XK: variants seen among roughly 807,000 people sequenced by gnomAD.
XK encodes the protein endoplasmic reticulum membrane adapter protein XK.
XK carries 2 observed loss-of-function variants against 14.0 expected under a neutral mutation model. The observed-to-expected ratio is 0.14, with a 90% CI of 0.06 to 0.45. XK has a LOEUF of 0.45. Among genes scored for constraint, XK ranks in the 20% least tolerant of loss-of-function variants. The probability of loss-of-function intolerance (pLI) is 0.98; values close to 1 mark genes in which losing one functional copy is unlikely to be tolerated. For missense variants in XK, 235 were observed against 341.5 expected, an observed-to-expected ratio of 0.69 and a Z score of 2.46; for synonymous variants, 149 against 147.5, an observed-to-expected ratio of 1.01 and a Z score of -0.08.
chrX:37,717,284 A>G (rs1409381656), intron 2 of XK, among the ~76,000 whole-genome samples: 1 of 111,674 alleles, frequency 9.0e-6, no homozygotes, highest in African/African-American at 3.2e-5. Context: ...CTACTGGTTA[A>G]GGCTACGATT....
At chrX:37,712,290 C>G (rs5963985) in intron 2 of XK, among the ~76,000 whole-genome samples, 27,602 of 111,339 alleles carry the variant, frequency 0.25, 3,224 homozygotes, top group African/African-American at 0.47. Context: ...AAAAACCTTA[C>G]TTAATTTTTT....
intron 2 of XK, among the ~76,000 whole-genome samples, chrX:37,698,055 A>G (rs1927335970): frequency 8.9e-6 from 1 of 112,075 alleles, no homozygotes; most frequent in African/African-American, 3.2e-5. Context: ...AAGTCTCCAG[A>G]TCTTGGAGGA....
chrX:37,728,294 G>C lies in XK; in HGVS notation c.1167G>C (p.Gln389His). ...CTTCCAGTGTTTCTGAAGGCTTTCA[G>C]AGGTGGCTCAGGTGTTTTTGCTGGG... ...LFSSSVSEGF[Q>H]RWLRCFCWAC... The change falls in exon 3 of 3, where the codon CAG (glutamine) becomes CAC (histidine). Residue 389 changes from glutamine to histidine, a missense_variant. Transcript: ENST00000378616. 1 of 1,211,440 alleles carries C rather than the reference G, an allele frequency of 8.3e-7. No homozygotes were observed. The highest frequency in any genetic ancestry group is 1.1e-6 in the Non-Finnish European group (1 of 895,451).
In XK at chrX:37,693,476, C is replaced by CGTGTGTGTGTGTGTGTGTGTGT. The variant is rs781954179; in HGVS notation, c.246-805_246-784dup. ...TCACATATTTATCCATCTATCAATT[C>CGTGTGTGTGTGTGTGTGTGTGT]GTGTGTGTGTGTGTGTGTGTGTGTG... is the stretch of plus-strand genomic sequence containing the variant. On this transcript the variant is annotated intron_variant, in intron 1 of 2. Transcript: ENST00000378616. 5.4e-3 allele frequency among the ~76,000 whole-genome samples: 519 copies of CGTGTGTGTGTGTGTGTGTGTGT among 95,941 alleles called. 3 individuals are homozygous for CGTGTGTGTGTGTGTGTGTGTGT. Among genetic ancestry groups the CGTGTGTGTGTGTGTGTGTGTGT allele is most frequent in the Middle Eastern group, 0.011 (2 of 189 alleles). 83.3% of individuals were successfully genotyped at this position (95,941 alleles called of 115,157 possible). A position where few individuals can be genotyped will look rare whatever the true frequency, so the allele number is the denominator to read the frequency against.
chrX:37,685,992 G>T lies in XK; in HGVS notation c.31G>T (p.Val11Leu), dbSNP rs782111503. 11 of 1,207,950 alleles carry T rather than the reference G, an allele frequency of 9.1e-6. No homozygotes were observed. The South Asian group carries it at 1.4e-4, about 16-fold the overall frequency. ...ATTCCCGGCCTCGGTGCTGGCGTCCGTGTTCCTGTTCGTGGCCGAGACAAC... is the reference window on the plus strand; with the variant it reads ...ATTCCCGGCCTCGGTGCTGGCGTCCTTGTTCCTGTTCGTGGCCGAGACAAC... MKFPASVLAS[V>L]FLFVAETTAA... The change falls in exon 1 of 3, where the codon GTG (valine) becomes TTG (leucine). Residue 11 changes from valine to leucine, a missense_variant. Transcript: ENST00000378616.
At chrX:37,720,629 T>C (rs996571275) in intron 2 of XK, among the ~76,000 whole-genome samples, 3 of 110,928 alleles carry the variant, frequency 2.7e-5, no homozygotes, top group Non-Finnish European at 3.8e-5. Flanking sequence ...CCAAATAATG[T>C]ACATTGTACA....
At chrX:37,691,022 A>T (rs1927191319) in intron 1 of XK, among the ~76,000 whole-genome samples, 1 of 112,049 alleles carries the variant, frequency 8.9e-6, no homozygotes, top group Admixed American at 9.4e-5. Context: ...CCTTTTACAA[A>T]TGTATTAAAC....
intron 2 of XK, among the ~76,000 whole-genome samples, chrX:37,702,794 C>T (rs954655317): frequency 2.7e-5 from 3 of 112,657 alleles, no homozygotes; most frequent in African/African-American, 9.7e-5. Flanking sequence ...GTACTCAGAA[C>T]AATCAATCTC....
chrX:37,688,059 C>CTTTTT (rs1222330719), intron 1 of XK, among the ~76,000 whole-genome samples: 2 of 54,662 alleles, frequency 3.7e-5, no homozygotes, highest in East Asian at 4.0e-4. Context: ...TTCTTTCTTT[C>CTTTTT]TTTTTTTTTT....
At position 37,686,071 on chromosome X, in the gene XK, A is replaced by G; in HGVS notation, c.110A>G (p.Gln37Arg). The change falls in exon 1 of 3, where the codon CAG becomes CGG. Residue 37 changes from glutamine (Q) to arginine (R), a missense_variant. Transcript: ENST00000378616. ...CGCTCGGGCGGGGACCGCATGTGGC[A>G]GGCGCTGACGTTGCTTTTCTCGCTA... The part of the protein sequence containing the change: ...TYRSGGDRMW[Q>R]ALTLLFSLLP... The G allele has an allele frequency of 8.3e-7, 1 of 1,211,643 alleles. No individual in the cohort carries two copies. The highest frequency in any genetic ancestry group is 1.1e-6 in the Non-Finnish European group (1 of 895,474).
intron 2 of XK, among the ~76,000 whole-genome samples, chrX:37,695,708 T>C (rs1927294115): frequency 8.9e-6 from 1 of 112,415 alleles, no homozygotes; most frequent in African/African-American, 3.2e-5. Flanking sequence ...TGGCTAGTAA[T>C]AATTCATGTC....
At chrX:37,689,258 TA>T (rs1211274636) in intron 1 of XK, among the ~76,000 whole-genome samples, 1 of 112,199 alleles carries the variant, frequency 8.9e-6, no homozygotes, top group African/African-American at 3.2e-5. Context: ...GCTTCCAGAT[TA>T]AAAGAAAAGC....
chrX:37,711,553 C>G (rs782241917), intron 2 of XK, among the ~76,000 whole-genome samples: 60 of 112,084 alleles, frequency 5.4e-4, no homozygotes, highest in Non-Finnish European at 8.1e-4. Flanking sequence ...TTGTGGATCT[C>G]CAGTGGGAAT....
At chrX:37,725,629 C>T (rs1427201654) in intron 2 of XK, among the ~76,000 whole-genome samples, 3 of 111,486 alleles carry the variant, frequency 2.7e-5, no homozygotes, top group Non-Finnish European at 5.7e-5. Context: ...ACTTATGCCC[C>T]TCCAAAAATC....
intron 2 of XK, 55 bp from the exon 3 acceptor site, chrX:37,727,581 C>G (rs1928002576): frequency 1.9e-6 from 2 of 1,042,412 alleles, no homozygotes; most frequent in African/African-American, 3.7e-5. Context: ...GTGTCTGCTG[C>G]AGTAGGATTC....
At chrX:37,712,126 C>T (rs1927678233) in intron 2 of XK, among the ~76,000 whole-genome samples, 1 of 111,120 alleles carries the variant, frequency 9.0e-6, no homozygotes, top group East Asian at 2.8e-4. Context: ...TTCACTTCTG[C>T]TGTATTTGGG....
chrX:37,717,207 GAT>G (rs1953577858), intron 2 of XK, among the ~76,000 whole-genome samples: 1 of 111,202 alleles, frequency 9.0e-6, no homozygotes, highest in Non-Finnish European at 1.9e-5. Context: ...TGATAAAAGA[GAT>G]AAAATGTGGA....
At chrX:37,691,248 C>T (rs1326891212) in intron 1 of XK, among the ~76,000 whole-genome samples, 13 of 112,444 alleles carry the variant, frequency 1.2e-4, no homozygotes, top group African/African-American at 3.9e-4. Flanking sequence ...TCTGAACCCT[C>T]ATTTCGTTCA....
chrX:37,724,622 A>C (rs1296783511), intron 2 of XK, among the ~76,000 whole-genome samples: 1 of 111,556 alleles, frequency 9.0e-6, no homozygotes, highest in Non-Finnish European at 1.9e-5. Flanking sequence ...CAAAGGCATG[A>C]TCCATAAAAG....
Sources: allele counts gnomAD v4.1 joint callset (sites outside exome capture counted in the v4.1 genomes callset), GRCh38; gene constraint gnomAD v4.1.1; transcripts MANE v1.5; gene names NCBI Gene and HGNC (gene_info 2026-07-23, HGNC 2026-07-21).